The following PCSK6 variants were observed in gnomAD, a reference collection of about 807,000 sequenced individuals.
PCSK6 encodes the protein paired basic amino acid cleaving enzyme 4.
Under a neutral mutation model 123.3 loss-of-function variants are expected in PCSK6, and 85 were observed. The ratio of observed to expected loss-of-function variants is 0.69; its 90% CI spans 0.58 to 0.83. The LOEUF (loss-of-function observed/expected upper bound fraction) is 0.83, where lower values mean the gene tolerates loss of function less well. Ranked by LOEUF, PCSK6 falls within the 40% of genes least tolerant of loss-of-function variation. The pLI is 0.00. For synonymous variants in PCSK6, 508 were observed against 516.0 expected (o/e 0.98, Z 0.21); for missense variants, 1,191 against 1,282.3 (o/e 0.93, Z 1.09).
rs529782404 is a variant in PCSK6 at position 101,305,974 on chromosome 15, A to T, written c.2813-619T>A. ...GGTGTGGGAGGGATCTCAGGAGAAC[A>T]CCCAGCCTGGGCCTGTGGGGCACAT... On this transcript the variant is annotated intron_variant, in intron 21 of 21. Transcript: ENST00000611716. The surrounding 1 kb of genome is among the most constrained non-coding windows in gnomAD (Gnocchi z 4.8). 3.9e-5 allele frequency among the ~76,000 whole-genome samples: 6 copies of T among 152,054 alleles called. No individual in the cohort carries two copies. In the East Asian group the frequency reaches 1.2e-3, roughly 30 times the overall value.
Position 101,398,286 on chromosome 15 carries a change from C to T in PCSK6, c.996+118G>A. On this transcript the variant is annotated intron_variant, in intron 7 of 21. Transcript: ENST00000611716. The surrounding 1 kb of genome is among the most constrained non-coding windows in gnomAD (Gnocchi z 4.6). ...TCCACACTGGCCCTGGCACCTGTCACAGCAGAGTCTTCCCTGTCTTGTTTC... is the reference window on the plus strand; with the variant it reads ...TCCACACTGGCCCTGGCACCTGTCATAGCAGAGTCTTCCCTGTCTTGTTTC... The T allele has an allele frequency of 7.8e-7, 1 of 1,283,804 alleles. No homozygotes were observed. Among genetic ancestry groups the T allele is most frequent in the Non-Finnish European group, 1.1e-6 (1 of 934,738 alleles). 79.5% of individuals were successfully genotyped at this position (1,283,804 alleles called of 1,614,324 possible).
At chr15:101,397,331 CAG>C (rs2042442419) in intron 7 of PCSK6, among the ~76,000 whole-genome samples, 1 of 152,126 alleles carries the variant, frequency 6.6e-6, no homozygotes, top group African/African-American at 2.4e-5. Flanking sequence ...CAGACAGAGA[CAG>C]AGAGAGGCTG....
At chr15:101,356,493 C>T (rs2041044711) in intron 13 of PCSK6, among the ~76,000 whole-genome samples, 1 of 120,046 alleles carries the variant, frequency 8.3e-6, no homozygotes, top group Non-Finnish European at 1.6e-5. Context: ...AACCCTGTCT[C>T]TACTAAAACT....
intron 17 of PCSK6, 108 bp from the exon 18 acceptor site, chr15:101,322,715 T>TC (rs1450834131): frequency 2.9e-6 from 2 of 698,082 alleles, no homozygotes; most frequent in African/African-American, 3.5e-5. Flanking sequence ...GGTGGGCTGT[T>TC]CCCCGAGTCC....
At chr15:101,396,494 C>T (rs1455863167) in intron 7 of PCSK6, among the ~76,000 whole-genome samples, 1 of 152,194 alleles carries the variant, frequency 6.6e-6, no homozygotes, top group Admixed American at 6.5e-5. Flanking sequence ...GCAGGAAACC[C>T]GCCCTCCAGC....
intron 1 of PCSK6, among the ~76,000 whole-genome samples, chr15:101,488,234 C>G (rs760323114): frequency 1.3e-5 from 2 of 152,232 alleles, no homozygotes; most frequent in Non-Finnish European, 2.9e-5. Context: ...CGGTGCTTCC[C>G]TGTCACTTCA....
chr15:101,398,026 G>C lies in PCSK6; in HGVS notation c.996+378C>G, dbSNP rs3784469. ...AGTTCCACAGCTGGGTGTTTCTAAG[G>C]GCAGGTGGGCCGAGGCCCCTGCAGA... On this transcript the variant is annotated intron_variant, in intron 7 of 21. Coordinates refer to ENST00000611716, the MANE Select transcript of PCSK6 (RefSeq NM_002570.5). The surrounding 1 kb of genome is among the most constrained non-coding windows in gnomAD (Gnocchi z 4.6). Among the ~76,000 whole-genome samples, 95,184 of 152,108 alleles carry C rather than the reference G, an allele frequency of 0.63. 30,454 individuals are homozygous for C. Among genetic ancestry groups the C allele is most frequent in the East Asian group, 0.9 (4,659 of 5,156 alleles).
chr15:101,415,112 G>A (rs190698884), intron 6 of PCSK6, among the ~76,000 whole-genome samples: 6 of 152,360 alleles, frequency 3.9e-5, no homozygotes, highest in East Asian at 3.9e-4. Context: ...GCTATAAAAT[G>A]TGTACAGCGA....
chr15:101,307,006 T>A (rs374409852), intron 21 of PCSK6, among the ~76,000 whole-genome samples: 1 of 152,202 alleles, frequency 6.6e-6, no homozygotes, highest in Non-Finnish European at 1.5e-5. Flanking sequence ...CTCTGATCGA[T>A]GTGAGAGGCC....
intron 6 of PCSK6, among the ~76,000 whole-genome samples, chr15:101,402,875 G>C (rs1179569296): frequency 6.6e-6 from 1 of 151,988 alleles, no homozygotes; most frequent in South Asian, 2.1e-4. Flanking sequence ...ATTCCTCAGG[G>C]ATCTAGAACT....
intron 16 of PCSK6, 38 bp from the exon 17 acceptor site, chr15:101,325,084 A>ACCCAGC (rs2040220665): frequency 6.6e-7 from 1 of 1,506,484 alleles, no homozygotes; most frequent in Middle Eastern, 1.9e-4. Context: ...GGCCTTGCCA[A>ACCCAGC]CCCAGCCCCA....
At chr15:101,322,381 A>T in intron 18 of PCSK6, 139 bp downstream of exon 18, 1 of 627,368 alleles carries the variant, frequency 1.6e-6, no homozygotes, top group Non-Finnish European at 2.8e-6. Flanking sequence ...GATTTCCAGG[A>T]CTCGGAATCT....
chr15:101,473,632 T>C (rs1270297001), intron 1 of PCSK6, among the ~76,000 whole-genome samples: 4 of 152,200 alleles, frequency 2.6e-5, no homozygotes, highest in Non-Finnish European at 5.9e-5. Flanking sequence ...CTAAAATGAA[T>C]GGTTGTAGGC....
Position 101,389,478 on chromosome 15 carries a change from C to G in PCSK6, c.1296G>C (p.Leu432Phe). ...SAPMVAGIIA[L>F]ALEANSQLTW... ...TGGGAACTTACTTTGCTTCTAGAGCCAAGGCGATGATGCCCGCCACCATGG... is the reference window on the plus strand; with the variant it reads ...TGGGAACTTACTTTGCTTCTAGAGCGAAGGCGATGATGCCCGCCACCATGG... The change falls in exon 9 of 22, where the codon TTG becomes TTC. Residue 432 changes from leucine (L) to phenylalanine (F), a missense_variant. Leu to Phe is a conservative substitution (Grantham distance 22). Coordinates refer to ENST00000611716, the MANE Select transcript of PCSK6 (RefSeq NM_002570.5). 6.2e-7 allele frequency: 1 copy of G among 1,612,742 alleles called. No homozygotes were observed. Among genetic ancestry groups the G allele is most frequent in the Non-Finnish European group, 8.5e-7 (1 of 1,179,116 alleles).
chr15:101,484,533 C>T (rs28419446), intron 1 of PCSK6, among the ~76,000 whole-genome samples: 2,136 of 152,230 alleles, frequency 0.014, 59 homozygotes, highest in African/African-American at 0.048. Flanking sequence ...GCATTACAGG[C>T]GTGCACCACC....
In PCSK6 at chr15:101,305,311, C is replaced by T. The variant is rs770807822; in HGVS notation, c.2857G>A (p.Glu953Lys). The change falls in exon 22 of 22, where the codon GAA becomes AAA. Residue 953 changes from glutamate (E) to lysine (K), a missense_variant. This residue lies in a region of PCSK6 where 630 missense variants were observed against 631.4 expected (regional missense o/e 1.00). Transcript: ENST00000611716. This position sits in a 1 kb window ranked among gnomAD's most constrained non-coding sequence, Gnocchi z 4.8. ...CEMVKSNRLC[E>K]RKLFIQFCCR... ...CAGAACTGAATGAAGAGCTTCCGTT[C>T]GCACAGCCGGTTGGACTTCACCATC... 2.4e-5 allele frequency: 39 copies of T among 1,612,764 alleles called. No individual in the cohort carries two copies. The highest frequency in any genetic ancestry group is 4.4e-5 in the South Asian group (4 of 91,030).
At chr15:101,409,512 G>A (rs2042879470) in intron 6 of PCSK6, among the ~76,000 whole-genome samples, 1 of 151,654 alleles carries the variant, frequency 6.6e-6, no homozygotes, top group Non-Finnish European at 1.5e-5. Context: ...GTGAACCCGG[G>A]AGGCGGAGCT....
At chr15:101,393,516 T>A in intron 7 of PCSK6, 92 bp from the exon 8 acceptor site, 2 of 921,294 alleles carry the variant, frequency 2.2e-6, no homozygotes, top group Admixed American at 5.3e-5. Flanking sequence ...TCCCAAATGT[T>A]CCTTCAAAGG....
At chr15:101,451,496 C>T (rs1234213484) in intron 1 of PCSK6, among the ~76,000 whole-genome samples, 1 of 152,168 alleles carries the variant, frequency 6.6e-6, no homozygotes, top group Non-Finnish European at 1.5e-5. Context: ...TAAGCAGCCA[C>T]AGAATGTCTC....
Sources: gnomAD v4.1 joint callset for allele counts (sites outside exome capture counted in the v4.1 genomes callset) on GRCh38, gnomAD v4.1.1 for gene constraint, gnomAD v4.1.1 regional missense constraint, Gnocchi (gnomAD v3.1) non-coding constraint, MANE v1.5 for transcripts, NCBI Gene and HGNC (gene_info 2026-07-23, HGNC 2026-07-21) for gene names.